The following KALRN variants were observed in gnomAD, a reference collection of about 807,000 sequenced individuals.
The protein encoded by KALRN is kalirin RhoGEF kinase.
KALRN carries 70 observed loss-of-function variants against 353.7 expected under a neutral mutation model. That is an observed-to-expected ratio of 0.20 (90% CI 0.16 to 0.24). The LOEUF (loss-of-function observed/expected upper bound fraction) is 0.24. Among genes scored for constraint, KALRN ranks in the 10% least tolerant of loss-of-function variants. KALRN has a pLI of 1.00. For synonymous variants in KALRN, 1,391 were observed against 1,434.8 expected (o/e 0.97, Z 0.69); for missense variants, 2,791 against 3,756.7 (o/e 0.74, Z 6.72).
intron 1 of KALRN, among the ~76,000 whole-genome samples, chr3:124,035,326 T>C (rs895089486): frequency 1.3e-5 from 2 of 152,108 alleles, no homozygotes; most frequent in Non-Finnish European, 2.9e-5. Flanking sequence ...CTAAGTGATA[T>C]TCAGAAATAC....
At chr3:124,322,434 A>G (rs1340387939) in intron 6 of KALRN, among the ~76,000 whole-genome samples, 1 of 152,214 alleles carries the variant, frequency 6.6e-6, no homozygotes, top group African/African-American at 2.4e-5. Context: ...AATGCCCTTG[A>G]CTAATGGGCA....
intron 3 of KALRN, among the ~76,000 whole-genome samples, chr3:124,245,660 GT>G (rs71884682): frequency 2.1e-4 from 25 of 119,888 alleles, no homozygotes; most frequent in African/African-American, 5.2e-4. Context: ...GTTATTTTCT[GT>G]TTTTTTTTGT....
intron 19 of KALRN, 27 bp from the exon 20 acceptor site, chr3:124,446,134 A>G: frequency 6.6e-7 from 1 of 1,521,276 alleles, no homozygotes; most frequent in Non-Finnish European, 9.1e-7. Flanking sequence ...GCCCCTTGTG[A>G]CCATCATGCA....
chr3:124,061,777 G>T (rs1468809517), intron 1 of KALRN, among the ~76,000 whole-genome samples: 1 of 152,156 alleles, frequency 6.6e-6, no homozygotes, highest in Non-Finnish European at 1.5e-5. Context: ...CGCCATCTCT[G>T]CTGGCTGTCA....
chr3:124,541,084 C>A (rs940856325), intron 33 of KALRN, among the ~76,000 whole-genome samples: 1 of 152,238 alleles, frequency 6.6e-6, no homozygotes, highest in South Asian at 2.1e-4. Context: ...TCTTTGGCGA[C>A]AGAACTGTTT....
chr3:124,575,682 G>C (rs2074020364), intron 34 of KALRN, among the ~76,000 whole-genome samples: 1 of 152,086 alleles, frequency 6.6e-6, no homozygotes, highest in East Asian at 1.9e-4. Context: ...GCCTCTTCCA[G>C]CTTCCAGAGA....
chr3:124,500,870 C>A (rs2064438737), intron 33 of KALRN, among the ~76,000 whole-genome samples: 1 of 120,884 alleles, frequency 8.3e-6, no homozygotes, highest in African/African-American at 3.3e-5. Context: ...AATGGCGGGG[C>A]TTTGCAGTCA....
At position 124,047,632 on chromosome 3, in the gene KALRN, A is replaced by G. The variant is rs2040613880; in HGVS notation, c.73+13819A>G. The stretch of plus-strand genomic sequence containing the variant: ...CCCAGCCTCCCAAGTAGCTGCAACT[A>G]CAGGCGCCCGCCACCACGCCTGGCT... On this transcript the variant is annotated intron_variant, in intron 1 of 59. Transcript: ENST00000682506. 2.0e-5 allele frequency among the ~76,000 whole-genome samples: 3 copies of G among 150,224 alleles called. No individual in the cohort carries two copies. In the East Asian group the frequency reaches 5.9e-4, roughly 29 times the overall value.
chr3:124,600,655 G>A (rs966563958), intron 34 of KALRN, among the ~76,000 whole-genome samples: 2 of 151,922 alleles, frequency 1.3e-5, no homozygotes, highest in African/African-American at 2.4e-5. Context: ...ATATATATAT[G>A]TGATATCATA....
At chr3:124,242,786 T>C (rs1450478080) in intron 3 of KALRN, among the ~76,000 whole-genome samples, 2 of 152,038 alleles carry the variant, frequency 1.3e-5, no homozygotes, top group African/African-American at 2.4e-5. Context: ...ACAACAGGGG[T>C]GGTGAGGGTG....
chr3:124,412,182 G>A (rs1301653220), intron 13 of KALRN, among the ~76,000 whole-genome samples: 3 of 152,188 alleles, frequency 2.0e-5, no homozygotes, highest in Non-Finnish European at 4.4e-5. Flanking sequence ...TGGAATATAA[G>A]AGCACCGCTC....
chr3:124,654,705 A>G (rs2083807023), intron 38 of KALRN, among the ~76,000 whole-genome samples: 1 of 152,222 alleles, frequency 6.6e-6, no homozygotes, highest in Non-Finnish European at 1.5e-5. Context: ...GGCTGCTGGG[A>G]AAGAGCATGG....
chr3:124,080,855 T>G (rs1461773371), intron 1 of KALRN, among the ~76,000 whole-genome samples: 1 of 152,208 alleles, frequency 6.6e-6, no homozygotes, highest in Non-Finnish European at 1.5e-5. Flanking sequence ...CTATACCAGT[T>G]TTGCCCATAG....
intron 1 of KALRN, among the ~76,000 whole-genome samples, chr3:124,077,942 T>G (rs1559911646): frequency 6.6e-6 from 1 of 152,234 alleles, no homozygotes; most frequent in Non-Finnish European, 1.5e-5. Flanking sequence ...CCCGTTTGCT[T>G]CTTTGTGATA....
chr3:124,050,675 G>A (rs929054636), intron 1 of KALRN, among the ~76,000 whole-genome samples: 3 of 152,104 alleles, frequency 2.0e-5, no homozygotes, highest in African/African-American at 4.8e-5. Context: ...AGATGCCCGA[G>A]GAAAAGGGCT....
At chr3:124,397,330 A>G (rs1206227194) in intron 12 of KALRN, among the ~76,000 whole-genome samples, 1 of 152,198 alleles carries the variant, frequency 6.6e-6, no homozygotes, top group Non-Finnish European at 1.5e-5. Flanking sequence ...AGGCAGGAAT[A>G]GGGAGCCCTG....
chr3:124,161,162 T>G (rs2069876560), intron 1 of KALRN, among the ~76,000 whole-genome samples: 1 of 152,132 alleles, frequency 6.6e-6, no homozygotes, highest in Non-Finnish European at 1.5e-5. Context: ...GATAGAAAAG[T>G]CATACCTCCA....
chr3:124,672,891 C>A (rs2086637627), intron 48 of KALRN, among the ~76,000 whole-genome samples: 1 of 152,196 alleles, frequency 6.6e-6, no homozygotes, highest in African/African-American at 2.4e-5. Context: ...TTTTTATCTA[C>A]ATGTTCCAGT....
At position 124,671,811 on chromosome 3, in the gene KALRN, A is replaced by T; in HGVS notation, c.6855A>T (p.Pro2285=). ...CCCCAAAGGGCTCCAGCTATAACCC[A>T]CCTCTGCCTCCCCTGAAGATATCTA... The part of the protein sequence containing the change: ...EKPPKGSSYN[P]PLPPLKISTS... The change falls in exon 48 of 60, where the codon CCA becomes CCT. Residue 2285 remains proline (P), a synonymous_variant. Transcript: ENST00000682506. The T allele has an allele frequency of 6.2e-7, 1 of 1,613,692 alleles. No homozygotes were observed. The highest frequency in any genetic ancestry group is 8.5e-7 in the Non-Finnish European group (1 of 1,179,904).
Sources: gnomAD v4.1 joint callset for allele counts (sites outside exome capture counted in the v4.1 genomes callset) on GRCh38, gnomAD v4.1.1 for gene constraint, MANE v1.5 for transcripts, NCBI Gene and HGNC (gene_info 2026-07-23, HGNC 2026-07-21) for gene names.